Variants in GUCY1A1 observed in about 807,000 individuals in gnomAD.
GUCY1A1 encodes the protein guanylate cyclase soluble subunit alpha-1.
Under a neutral mutation model 64.5 loss-of-function variants are expected in GUCY1A1, and 48 were observed. The ratio of observed to expected loss-of-function variants is 0.74; its 90% CI spans 0.59 to 0.95. The LOEUF (loss-of-function observed/expected upper bound fraction) is 0.95. Among genes scored for constraint, GUCY1A1 ranks in the 40% least tolerant of loss-of-function variants. The pLI is 0.00. For synonymous variants in GUCY1A1, 308 were observed against 303.4 expected (o/e 1.02, Z -0.16); for missense variants, 804 against 825.3 (o/e 0.97, Z 0.32).
intron 4 of GUCY1A1, among the ~76,000 whole-genome samples, chr4:155,706,533 T>C (rs1341507800): frequency 6.7e-6 from 1 of 150,254 alleles, no homozygotes; most frequent in Non-Finnish European, 1.5e-5. Context: ...TTTTTTTTTT[T>C]TCAGTGAATG....
intron 8 of GUCY1A1, among the ~76,000 whole-genome samples, chr4:155,717,639 G>C (rs1246525299): frequency 6.6e-6 from 1 of 152,154 alleles, no homozygotes; most frequent in Non-Finnish European, 1.5e-5. Flanking sequence ...TCTGGAAGCT[G>C]ATTCCAAAAC....
chr4:155,712,957 G>A, intron 6 of GUCY1A1, 141 bp from the exon 7 acceptor site: 2 of 646,340 alleles, frequency 3.1e-6, no homozygotes, highest in South Asian at 4.0e-5. Context: ...ATAGAAAATA[G>A]GAACTATAAG....
chr4:155,678,830 A>G (rs1389765820), intron 2 of GUCY1A1, among the ~76,000 whole-genome samples: 1 of 152,206 alleles, frequency 6.6e-6, no homozygotes, highest in Non-Finnish European at 1.5e-5. Flanking sequence ...GTTATTCCAC[A>G]TTGCCAATAA....
rs769057651 is a variant in GUCY1A1 at position 155,734,075 on chromosome 4, A to G, written c.*3844A>G. Among the ~76,000 whole-genome samples, 15 of 151,922 alleles carry G rather than the reference A, an allele frequency of 9.9e-5. No individual in the cohort carries two copies. The highest frequency in any genetic ancestry group is 1.4e-4 in the African/African-American group (6 of 41,394). ...ATTTCTTCCAAATTTCTTCTCCCTG[A>G]TATTTCCAGCCACGCCAAGGCAAAG... On this transcript the variant is annotated 3_prime_UTR_variant, in exon 10 of 10. Coordinates refer to ENST00000506455, the MANE Select transcript of GUCY1A1 (RefSeq NM_001130682.3).
chr4:155,716,779 A>G (rs1733290292), intron 7 of GUCY1A1, among the ~76,000 whole-genome samples: 1 of 152,190 alleles, frequency 6.6e-6, no homozygotes, highest in Non-Finnish European at 1.5e-5. Context: ...AGGATATAAA[A>G]CGAGTAAATG....
chr4:155,697,704 T>A (rs531924806), intron 3 of GUCY1A1, among the ~76,000 whole-genome samples: 1 of 152,200 alleles, frequency 6.6e-6, no homozygotes, highest in Non-Finnish European at 1.5e-5. Context: ...GTCGGAGTCA[T>A]GAGCCTGTGA....
intron 8 of GUCY1A1, among the ~76,000 whole-genome samples, chr4:155,718,884 G>A (rs1185151881): frequency 6.6e-6 from 1 of 152,110 alleles, no homozygotes; most frequent in Non-Finnish European, 1.5e-5. Context: ...TAATTTGCAA[G>A]TATGTTTTAA....
chr4:155,714,960 C>A (rs1733041078), intron 7 of GUCY1A1, among the ~76,000 whole-genome samples: 1 of 152,168 alleles, frequency 6.6e-6, no homozygotes, highest in Admixed American at 6.5e-5. Context: ...CTCTTCCTTG[C>A]AAACTGCTGT....
intron 2 of GUCY1A1, among the ~76,000 whole-genome samples, chr4:155,689,324 G>A (rs1030605874): frequency 1.3e-5 from 2 of 152,018 alleles, no homozygotes; most frequent in African/African-American, 4.8e-5. Flanking sequence ...AGAAAAAGAT[G>A]CAAGAAATTG....
At position 155,732,362 on chromosome 4, in the gene GUCY1A1, A is replaced by G. The variant is rs905983820; in HGVS notation, c.*2131A>G. 4 of 152,318 alleles carry G rather than the reference A, an allele frequency of 2.6e-5. No individual in the cohort carries two copies. The East Asian group carries it at 7.8e-4, about 30-fold the overall frequency. 9.4% of individuals were successfully genotyped at this position (152,318 alleles called of 1,614,324 possible). On this transcript the variant is annotated 3_prime_UTR_variant, in exon 10 of 10. Coordinates refer to ENST00000506455, the MANE Select transcript of GUCY1A1 (RefSeq NM_001130682.3). ...ACCAAAAAACATATTTTCACAGTGAAGTTAAATCATCTGTGATAGGTTCCC... is the reference window on the plus strand; with the variant it reads ...ACCAAAAAACATATTTTCACAGTGAGGTTAAATCATCTGTGATAGGTTCCC...
At chr4:155,695,808 A>C (rs1203784693) in intron 2 of GUCY1A1, among the ~76,000 whole-genome samples, 2 of 152,010 alleles carry the variant, frequency 1.3e-5, no homozygotes, top group Non-Finnish European at 2.9e-5. Context: ...GTTCTTTTCC[A>C]CTCTTTGTTT....
At chr4:155,694,959 A>G (rs962150934) in intron 2 of GUCY1A1, among the ~76,000 whole-genome samples, 19 of 152,234 alleles carry the variant, frequency 1.2e-4, no homozygotes, top group African/African-American at 4.6e-4. Context: ...CTATAGCCAT[A>G]TTACCTTTGG....
intron 2 of GUCY1A1, among the ~76,000 whole-genome samples, chr4:155,681,927 G>T (rs1289688777): frequency 6.6e-6 from 1 of 152,166 alleles, no homozygotes; most frequent in Non-Finnish European, 1.5e-5. Flanking sequence ...CAAGATCCAT[G>T]TATCTAAAAC....
intron 7 of GUCY1A1, among the ~76,000 whole-genome samples, chr4:155,716,016 GAAGGA>G (rs1733183928): frequency 6.6e-6 from 1 of 152,094 alleles, no homozygotes; most frequent in Non-Finnish European, 1.5e-5. Context: ...AGCAGGGACT[GAAGGA>G]AAGGAGGGAC....
Position 155,696,846 on chromosome 4 carries a change from C to T in GUCY1A1, c.-22C>T. The T allele has an allele frequency of 6.2e-7, 1 of 1,609,912 alleles. No homozygotes were observed. The highest frequency in any genetic ancestry group is 8.5e-7 in the Non-Finnish European group (1 of 1,176,848). ...ACAGCTCATCAGGAGGAGATCGCAG[C>T]AGGGTAAGAGACACCAACACCATGT... On this transcript the variant is annotated 5_prime_UTR_variant, in exon 3 of 10. Transcript: ENST00000506455.
intron 2 of GUCY1A1, among the ~76,000 whole-genome samples, chr4:155,675,940 A>G (rs1734848685): frequency 6.6e-6 from 1 of 151,416 alleles, no homozygotes; most frequent in South Asian, 2.1e-4. Context: ...GCCACCTTCC[A>G]CAAAAATTGC....
At chr4:155,716,064 A>G (rs1733192301) in intron 7 of GUCY1A1, among the ~76,000 whole-genome samples, 1 of 152,176 alleles carries the variant, frequency 6.6e-6, no homozygotes, top group Non-Finnish European at 1.5e-5. Flanking sequence ...AGATTGCTCC[A>G]GGAGAAAGGA....
intron 2 of GUCY1A1, among the ~76,000 whole-genome samples, chr4:155,676,223 T>A (rs1273638963): frequency 6.7e-6 from 1 of 150,314 alleles, no homozygotes; most frequent in East Asian, 1.9e-4. Context: ...CTAAATAGGG[T>A]GTATTGGGCA....
intron 3 of GUCY1A1, among the ~76,000 whole-genome samples, chr4:155,703,039 A>G (rs1397936652): frequency 6.6e-6 from 1 of 151,666 alleles, no homozygotes. Context: ...ACATAGATAC[A>G]TATGATTTTT....
Sources: allele counts gnomAD v4.1 joint callset (sites outside exome capture counted in the v4.1 genomes callset), GRCh38; gene constraint gnomAD v4.1.1; transcripts MANE v1.5; gene names NCBI Gene and HGNC (gene_info 2026-07-23, HGNC 2026-07-21).